The following LIN7A variants were observed in gnomAD, a reference collection of about 807,000 sequenced individuals.
The protein encoded by LIN7A is lin-7 cell polarity scaffold A.
Under a neutral mutation model 29.8 loss-of-function variants are expected in LIN7A, and 25 were observed. That is an observed-to-expected ratio of 0.84 (90% CI 0.61 to 1.17). The LOEUF (loss-of-function observed/expected upper bound fraction) is 1.17. LIN7A is among the 50% of genes most tolerant of loss of function. The pLI is 0.00. For missense variants in LIN7A, 239 were observed against 287.0 expected (o/e 0.83, Z 1.21); for synonymous variants, 118 against 107.5 (o/e 1.10, Z -0.60).
intron 1 of LIN7A, among the ~76,000 whole-genome samples, chr12:80,894,957 A>T (rs1229105544): frequency 2.0e-5 from 3 of 152,234 alleles, no homozygotes; most frequent in Non-Finnish European, 4.4e-5. Context: ...AGAGGCCAGA[A>T]TCCAAAACCA....
chr12:80,881,588 A>AT (rs1021834232), intron 2 of LIN7A, among the ~76,000 whole-genome samples: 1 of 151,766 alleles, frequency 6.6e-6, no homozygotes, highest in Admixed American at 6.6e-5. Flanking sequence ...ACCATGAACA[A>AT]TTTTTTGCAC....
chr12:80,921,824 C>A (rs751056309), intron 1 of LIN7A, among the ~76,000 whole-genome samples: 6 of 152,164 alleles, frequency 3.9e-5, no homozygotes, highest in Non-Finnish European at 5.9e-5. Flanking sequence ...TGTGTGACAT[C>A]AGAAGAAATT....
At chr12:80,808,593 C>T (rs567858723) in intron 5 of LIN7A, among the ~76,000 whole-genome samples, 3 of 151,538 alleles carry the variant, frequency 2.0e-5, no homozygotes, top group East Asian at 2.0e-4. Context: ...GCCAGCTCCA[C>T]CTCCCAGGTT....
intron 2 of LIN7A, among the ~76,000 whole-genome samples, chr12:80,869,583 A>G (rs1359970064): frequency 6.6e-6 from 1 of 152,150 alleles, no homozygotes; most frequent in Non-Finnish European, 1.5e-5. Flanking sequence ...GAGACCTCAG[A>G]ATAGACATAT....
chr12:80,849,726 A>G (rs1040034802), intron 2 of LIN7A, among the ~76,000 whole-genome samples: 1 of 152,040 alleles, frequency 6.6e-6, no homozygotes, highest in Non-Finnish European at 1.5e-5. Flanking sequence ...AAACATATTG[A>G]ACTCTCCAAG....
At chr12:80,865,427 A>G (rs1289070143) in intron 2 of LIN7A, among the ~76,000 whole-genome samples, 1 of 152,196 alleles carries the variant, frequency 6.6e-6, no homozygotes. Context: ...TTACTTAAAG[A>G]TGAAGTAGGA....
intron 1 of LIN7A, among the ~76,000 whole-genome samples, chr12:80,922,203 A>G (rs1216021633): frequency 6.6e-6 from 1 of 152,210 alleles, no homozygotes; most frequent in Non-Finnish European, 1.5e-5. Context: ...AGAAAAATAT[A>G]GCATTACTTG....
At chr12:80,818,146 T>TTTTGTTTG (rs767165513) in intron 4 of LIN7A, among the ~76,000 whole-genome samples, 1 of 152,130 alleles carries the variant, frequency 6.6e-6, no homozygotes, top group Non-Finnish European at 1.5e-5. Context: ...CATGAAGTTC[T>TTTTGTTTG]TTTGTTTGTT....
At chr12:80,908,821 GT>G (rs1045342283) in intron 1 of LIN7A, among the ~76,000 whole-genome samples, 12 of 148,396 alleles carry the variant, frequency 8.1e-5, no homozygotes, top group East Asian at 4.0e-4. Flanking sequence ...TCTTTTATTC[GT>G]TTTTTTTTAA....
chr12:80,876,052 T>TACAC (rs67035673), intron 2 of LIN7A, among the ~76,000 whole-genome samples: 4,523 of 148,180 alleles, frequency 0.031, 186 homozygotes, highest in African/African-American at 0.099. Flanking sequence ...ATTATTTTTA[T>TACAC]ACACACACAC....
chr12:80,909,348 A>C (rs1876639315), intron 1 of LIN7A, among the ~76,000 whole-genome samples: 1 of 152,194 alleles, frequency 6.6e-6, no homozygotes, highest in African/African-American at 2.4e-5. Flanking sequence ...CAAAAACCAC[A>C]CTATATCTTA....
chr12:80,820,543 G>A (rs1871749066), intron 4 of LIN7A, among the ~76,000 whole-genome samples: 2 of 152,158 alleles, frequency 1.3e-5, no homozygotes, highest in South Asian at 4.2e-4. Context: ...ACATCCTGGT[G>A]GTAATGCTTT....
chr12:80,798,602 G>C (rs1870569087), intron 5 of LIN7A, among the ~76,000 whole-genome samples: 2 of 151,852 alleles, frequency 1.3e-5, no homozygotes, highest in Admixed American at 1.3e-4. Flanking sequence ...TCATCATTCT[G>C]ACTACTACTT....
rs1870347138 is a variant in LIN7A, at chr12:80,794,313, C to T, written c.*3414G>A. 1 of 151,976 alleles carries T rather than the reference C, an allele frequency of 6.6e-6. No homozygotes were observed. The highest frequency in any genetic ancestry group is 1.5e-5 in the Non-Finnish European group (1 of 67,972). 9.4% of individuals were successfully genotyped at this position (151,976 alleles called of 1,614,324 possible). A position where few individuals can be genotyped will look rare whatever the true frequency, so the allele number is the denominator to read the frequency against. ...AGAGGGATGAGATGGGTTGGACCACCCCATATTTTGGAAGATCTTTTTCTA... is the reference window on the plus strand; with the variant it reads ...AGAGGGATGAGATGGGTTGGACCACTCCATATTTTGGAAGATCTTTTTCTA... On this transcript the variant is annotated 3_prime_UTR_variant, in exon 6 of 6. Transcript: ENST00000552864.
chr12:80,816,829 C>A (rs1871559822), intron 4 of LIN7A, among the ~76,000 whole-genome samples: 2 of 152,222 alleles, frequency 1.3e-5, no homozygotes, highest in Non-Finnish European at 2.9e-5. Flanking sequence ...AGTGCAATGG[C>A]ACGATCTTGG....
chr12:80,860,786 C>T (rs1037687270), intron 2 of LIN7A, among the ~76,000 whole-genome samples: 1 of 152,224 alleles, frequency 6.6e-6, no homozygotes, highest in Non-Finnish European at 1.5e-5. Flanking sequence ...TCTGACATGA[C>T]ACTCTTTTCT....
chr12:80,822,423 T>C (rs1042827364), intron 4 of LIN7A, among the ~76,000 whole-genome samples: 1 of 152,144 alleles, frequency 6.6e-6, no homozygotes, highest in African/African-American at 2.4e-5. Context: ...CTGGGTGTGA[T>C]GGCAGGCGCC....
chr12:80,853,621 T>A (rs1422882053), intron 2 of LIN7A, among the ~76,000 whole-genome samples: 1 of 123,796 alleles, frequency 8.1e-6, no homozygotes, highest in South Asian at 2.8e-4. Flanking sequence ...ACCTACACAC[T>A]TATTAGAATG....
At chr12:80,862,811 C>A (rs1321755780) in intron 2 of LIN7A, among the ~76,000 whole-genome samples, 1 of 152,206 alleles carries the variant, frequency 6.6e-6, no homozygotes, top group Non-Finnish European at 1.5e-5. Context: ...TTGCCTTGTT[C>A]ATCCTCAGCT....
Sources: allele counts gnomAD v4.1 joint callset (sites outside exome capture counted in the v4.1 genomes callset), GRCh38; gene constraint gnomAD v4.1.1; transcripts MANE v1.5; gene names NCBI Gene and HGNC (gene_info 2026-07-23, HGNC 2026-07-21).